The following ARL2BP variants were observed in gnomAD, a reference collection of about 807,000 sequenced individuals.
The protein encoded by ARL2BP is ARF like GTPase 2 binding protein.
Under a neutral mutation model 24.2 loss-of-function variants are expected in ARL2BP, and 19 were observed. The ratio of observed to expected loss-of-function variants is 0.79; its 90% confidence interval spans 0.55 to 1.15. The LOEUF (loss-of-function observed/expected upper bound fraction) is 1.15. ARL2BP is among the 50% of genes most tolerant of loss of function. The probability of loss-of-function intolerance (pLI) is 0.00; values close to 1 mark genes in which losing one functional copy is unlikely to be tolerated. For synonymous variants in ARL2BP, 56 were observed against 70.5 expected (o/e 0.79, Z 1.03); for missense variants, 160 against 190.4 (o/e 0.84, Z 0.94).
chr16:57,251,910 A>C (rs2075409382), intron 5 of ARL2BP: 1 of 392,350 alleles, frequency 2.5e-6, no homozygotes, highest in African/African-American at 2.0e-5. Context: ...GGCAGCAGTT[A>C]GCTGTGATCA....
intron 2 of ARL2BP, chr16:57,246,461 A>C (rs1227943504): frequency 6.0e-5 from 14 of 232,124 alleles, no homozygotes; most frequent in Non-Finnish European, 1.1e-4. Context: ...GGTAAGAGCA[A>C]TTTCAATTTT....
chr16:57,245,980 C>A, intron 1 of ARL2BP, 100 bp from the exon 2 acceptor site: 1 of 1,163,828 alleles, frequency 8.6e-7, no homozygotes, highest in Non-Finnish European at 1.3e-6. Flanking sequence ...GTTCGTTTTG[C>A]TACTCTTTTT....
rs1310796170 is a variant in ARL2BP at position 57,251,987 on chromosome 16, A to T, written c.391-179A>T. On this transcript the variant is annotated intron_variant, in intron 5 of 5. Transcript: ENST00000219204. ...CTCTTTAAAAATAATATTAAAAAAA[A>T]TTAAGACTAGGGCAGGCCAGTATTG... is the stretch of plus-strand genomic sequence containing the variant. 6 of 572,394 alleles carry T rather than the reference A, an allele frequency of 1.0e-5. 1 individual carries two copies. Among genetic ancestry groups the T allele is most frequent in the African/African-American group, 1.9e-5 (1 of 53,342 alleles). 35.5% of individuals were successfully genotyped at this position (572,394 alleles called of 1,614,324 possible).
chr16:57,245,757 G>A, intron 1 of ARL2BP: 1 of 464,524 alleles, frequency 2.2e-6, no homozygotes, highest in South Asian at 2.7e-5. Context: ...CTGACCAAAT[G>A]ACCCCCCCCG....
At chr16:57,247,091 T>C (rs776035235) in intron 2 of ARL2BP, among the ~76,000 whole-genome samples, 1 of 152,202 alleles carries the variant, frequency 6.6e-6, no homozygotes, top group Non-Finnish European at 1.5e-5. Context: ...TTTGGTGTTA[T>C]TGGCTGTATG....
chr16:57,248,655 T>C lies in ARL2BP; in HGVS notation c.207+12T>C. On this transcript the variant is annotated intron_variant, in intron 3 of 5. Coordinates refer to ENST00000219204, the MANE Select transcript of ARL2BP (RefSeq NM_012106.4). ...TTTTTAATGAATACGTAAGTAGATTTCTATGTCTCCTACCAGGAGGTCAGA... is the reference window on the plus strand; with the variant it reads ...TTTTTAATGAATACGTAAGTAGATTCCTATGTCTCCTACCAGGAGGTCAGA... 1 of 1,463,068 alleles carries C rather than the reference T, an allele frequency of 6.8e-7. No homozygotes were observed. Among genetic ancestry groups the C allele is most frequent in the Middle Eastern group, 1.7e-4 (1 of 5,726 alleles). The allele number at this position is 1,463,068 out of a possible 1,614,324, so 90.6% of individuals were successfully genotyped here. A position where few individuals can be genotyped will look rare whatever the true frequency, so the allele number is the denominator to read the frequency against.
At chr16:57,246,753 G>C (rs2075391760) in intron 2 of ARL2BP, among the ~76,000 whole-genome samples, 1 of 152,176 alleles carries the variant, frequency 6.6e-6, no homozygotes, top group Non-Finnish European at 1.5e-5. Flanking sequence ...GCAGTGATCC[G>C]AGATCGTGCC....
intron 1 of ARL2BP, 26 bp downstream of exon 1, chr16:57,245,431 C>A: frequency 6.2e-6 from 10 of 1,602,200 alleles, no homozygotes; most frequent in Non-Finnish European, 8.5e-6. Context: ...AGGGCGCAGG[C>A]GACTTGGGGC....
In ARL2BP at chr16:57,252,247, C is replaced by T; in HGVS notation, c.472C>T (p.Gln158Ter). The T allele has an allele frequency of 6.2e-7, 1 of 1,614,176 alleles. No individual in the cohort carries two copies. Among genetic ancestry groups the T allele is most frequent in the Non-Finnish European group, 8.5e-7 (1 of 1,180,024 alleles). Residue 158 changes from glutamine (Q) to a stop codon, truncating the protein, a stop_gained, in exon 6 of 6, where the codon CAG becomes TAG. Transcript: ENST00000219204. LOFTEE classifies it high-confidence loss of function. ...LCKSSSLPASQNNLRH is the reference protein window; with the variant it reads ...LCKSSSLPAS ...CAAATCATCTTCTCTGCCAGCTTCCCAGAACAATCTGCGGCACTAGGTCCT... is the reference window on the plus strand; with the variant it reads ...CAAATCATCTTCTCTGCCAGCTTCCTAGAACAATCTGCGGCACTAGGTCCT...
At chr16:57,250,637 G>A in intron 5 of ARL2BP, 130 bp downstream of exon 5, 1 of 707,672 alleles carries the variant, frequency 1.4e-6, no homozygotes, top group Non-Finnish European at 2.5e-6. Context: ...GGCATCAGAA[G>A]AGTGAGCTGC....
Position 57,245,807 on chromosome 16 carries a change from G to C in ARL2BP, c.39-273G>C, listed in dbSNP as rs2075388622. Reference sequence around the variant, plus strand: ...CGTGCCGGGTTCATGCTCACAAGCAGACAGGTATGGGGTGATAGCTAAGAG... The same window carrying C: ...CGTGCCGGGTTCATGCTCACAAGCACACAGGTATGGGGTGATAGCTAAGAG... On this transcript the variant is annotated intron_variant, in intron 1 of 5. Coordinates refer to ENST00000219204, the MANE Select transcript of ARL2BP (RefSeq NM_012106.4). 18 of 516,812 alleles carry C rather than the reference G, an allele frequency of 3.5e-5. 1 individual carries two copies. In the South Asian group the frequency reaches 4.5e-4, roughly 13 times the overall value. 32.0% of individuals were successfully genotyped at this position (516,812 alleles called of 1,614,324 possible). A position where few individuals can be genotyped will look rare whatever the true frequency, so the allele number is the denominator to read the frequency against.
Position 57,245,929 on chromosome 16 carries a change from T to G in ARL2BP, c.39-151T>G. On this transcript the variant is annotated intron_variant, in intron 1 of 5. Transcript: ENST00000219204. ...TTTTCTTCTGTTTGGACTTACTAGATCAGTCAGTCATTCTTAATCGTTGAA... is the reference window on the plus strand; with the variant it reads ...TTTTCTTCTGTTTGGACTTACTAGAGCAGTCAGTCATTCTTAATCGTTGAA... 4 of 718,964 alleles carry G rather than the reference T, an allele frequency of 5.6e-6. No individual in the cohort carries two copies. In the South Asian group the frequency reaches 6.8e-5, roughly 12 times the overall value. The allele number at this position is 718,964 out of a possible 1,614,324, so 44.5% of individuals were successfully genotyped here.
chr16:57,248,762 A>G (rs2075398583), intron 3 of ARL2BP, 119 bp downstream of exon 3: 1 of 517,420 alleles, frequency 1.9e-6, no homozygotes, highest in Admixed American at 3.9e-5. Flanking sequence ...ACTTCCAGGA[A>G]TCCTCATTAG....
intron 3 of ARL2BP, chr16:57,249,531 C>G: frequency 1.9e-6 from 1 of 531,908 alleles, no homozygotes; most frequent in Admixed American, 3.2e-5. Context: ...CCACCTGTGT[C>G]AGAGCATCCA....
At position 57,250,507 on chromosome 16, in the gene ARL2BP, A is replaced by G. The variant is rs1232890338; in HGVS notation, c.390A>G (p.Ala130=). ...AAGAAATGTTTTTGGACTACAGAGC[A>G]GTAAGTTACTACTCCTATTTATTTA... ...AFKEMFLDYR[A]EKEGRGLDLS... is the part of the protein sequence containing the mutation. The change falls in exon 5 of 6, where the codon GCA becomes GCG. Residue 130 remains alanine, a splice_region_variant and synonymous_variant. Transcript: ENST00000219204. 4 of 1,612,662 alleles carry G rather than the reference A, an allele frequency of 2.5e-6. No homozygotes were observed. The highest frequency in any genetic ancestry group is 1.1e-5 in the South Asian group (1 of 91,050).
At chr16:57,251,600 A>G (rs1431037683) in intron 5 of ARL2BP, 4 of 152,516 alleles carry the variant, frequency 2.6e-5, no homozygotes, top group African/African-American at 4.9e-5. Context: ...CAAAAAAAAA[A>G]AAAAAGAAAG....
rs183790810 is a variant in ARL2BP, at chr16:57,249,863, C to T, written c.293+11C>T. ...CACCACAACATTACAGTGAGTTGAG[C>T]TTGACTGATTTTTGTGTTTTGTTTT... On this transcript the variant is annotated intron_variant, in intron 4 of 5. Transcript: ENST00000219204. The T allele has an allele frequency of 3.7e-6, 6 of 1,612,514 alleles. No homozygotes were observed. Among genetic ancestry groups the T allele is most frequent in the East Asian group, 4.5e-5 (2 of 44,870 alleles).
chr16:57,250,844 T>G (rs1445106069), intron 5 of ARL2BP: 1 of 231,324 alleles, frequency 4.3e-6, no homozygotes, highest in Non-Finnish European at 8.5e-6. Context: ...GGCACCATCT[T>G]GGCTCACTGG....
rs1236603961 is a variant in ARL2BP at position 57,250,436 on chromosome 16, G to A, written c.319G>A (p.Asp107Asn). The change falls in exon 5 of 6, where the codon GAC becomes AAC. Residue 107 changes from aspartate to asparagine, a missense_variant. By Grantham distance (23) the Asp-to-Asn change is conservative. Coordinates refer to ENST00000219204, the MANE Select transcript of ARL2BP (RefSeq NM_012106.4). The part of the protein sequence containing the change: ...LQHHKDEVAG[D>N]IFDMLLTFTD... The stretch of plus-strand genomic sequence containing the variant: ...GCACCATAAGGATGAAGTGGCTGGT[G>A]ACATATTCGACATGCTGCTCACCTT... 1.2e-6 allele frequency: 2 copies of A among 1,614,094 alleles called. No homozygotes were observed. Among genetic ancestry groups the A allele is most frequent in the African/African-American group, 1.3e-5 (1 of 74,930 alleles).
Sources: gnomAD v4.1 joint callset for allele counts (sites outside exome capture counted in the v4.1 genomes callset) on GRCh38, gnomAD v4.1.1 for gene constraint, MANE v1.5 for transcripts, NCBI Gene and HGNC (gene_info 2026-07-23, HGNC 2026-07-21) for gene names.